The following INPP5A variants were observed in gnomAD, a reference collection of about 807,000 sequenced individuals.
INPP5A encodes 43 kDa inositol polyphosphate 5-phophatase.
INPP5A carries 14 observed loss-of-function variants against 65.2 expected under a neutral mutation model. The ratio of observed to expected loss-of-function variants is 0.21; its 90% CI spans 0.14 to 0.34. INPP5A has a LOEUF of 0.34. INPP5A is among the 10% of genes least tolerant of loss of function. The pLI is 1.00. For synonymous variants in INPP5A, 207 were observed against 208.3 expected, an observed-to-expected ratio of 0.99 and a Z score of 0.05; for missense variants, 431 against 545.6, an observed-to-expected ratio of 0.79 and a Z score of 2.09.
In INPP5A at chr10:132,706,206, G is replaced by T. The variant is rs924960888; in HGVS notation, c.475-2107G>T. Reference sequence around the variant, plus strand: ...ACATAGTCAAGACGGACAAAGATTTGTGTTTGTTTGGTTGTTTGTATGTTT... The same window carrying T: ...ACATAGTCAAGACGGACAAAGATTTTTGTTTGTTTGGTTGTTTGTATGTTT... On this transcript the variant is annotated intron_variant, in intron 6 of 15. Transcript: ENST00000368594. This position sits in a 1 kb window ranked among gnomAD's most constrained non-coding sequence, Gnocchi z 4.7. 6.6e-6 allele frequency among the ~76,000 whole-genome samples: 1 copy of T among 152,194 alleles called. No homozygotes were observed. Among genetic ancestry groups the T allele is most frequent in the South Asian group, 2.1e-4 (1 of 4,826 alleles).
Position 132,782,159 on chromosome 10 carries a change from CCA to C in INPP5A, c.*134_*135del. Reference sequence around the variant, plus strand: ...AGCGCCACCTGCTAGACGGCCAGCCCCACACTTCGCTTCAGCCTCCGGACCAT... The same window carrying C: ...AGCGCCACCTGCTAGACGGCCAGCCCCACTTCGCTTCAGCCTCCGGACCAT... On this transcript the variant is annotated 3_prime_UTR_variant, in exon 16 of 16. Coordinates refer to ENST00000368594, the MANE Select transcript of INPP5A (RefSeq NM_005539.5). The surrounding 1 kb of genome is among the most constrained non-coding windows in gnomAD (Gnocchi z 4.4). 1 of 1,469,558 alleles carries C rather than the reference CCA, an allele frequency of 6.8e-7. No individual in the cohort carries two copies. Among genetic ancestry groups the C allele is most frequent in the East Asian group, 2.6e-5 (1 of 38,000 alleles). 91.0% of individuals were successfully genotyped at this position (1,469,558 alleles called of 1,614,324 possible). A position where few individuals can be genotyped will look rare whatever the true frequency, so the allele number is the denominator to read the frequency against.
At chr10:132,633,492 C>T (rs2072300467) in intron 2 of INPP5A, among the ~76,000 whole-genome samples, 1 of 152,120 alleles carries the variant, frequency 6.6e-6, no homozygotes, top group Admixed American at 6.6e-5. Context: ...CTGCAGGTGC[C>T]CAAGCGTGGA....
intron 4 of INPP5A, among the ~76,000 whole-genome samples, chr10:132,668,703 TG>T (rs1019122830): frequency 6.6e-6 from 1 of 152,238 alleles, no homozygotes; most frequent in African/African-American, 2.4e-5. Context: ...TTCCTCCTGA[TG>T]TTTTTATTCT....
chr10:132,596,973 A>ACATGTG (rs1491580465), intron 1 of INPP5A, among the ~76,000 whole-genome samples: 5 of 133,702 alleles, frequency 3.7e-5, no homozygotes, highest in Non-Finnish European at 8.0e-5. Flanking sequence ...GCGTGTGTGC[A>ACATGTG]TGCGTGTGTG....
At chr10:132,689,402 C>G (rs1845217605) in intron 4 of INPP5A, among the ~76,000 whole-genome samples, 1 of 152,250 alleles carries the variant, frequency 6.6e-6, no homozygotes, top group East Asian at 1.9e-4. Flanking sequence ...ATCCCAGGAC[C>G]TGCTACCCCC....
intron 2 of INPP5A, among the ~76,000 whole-genome samples, chr10:132,622,893 C>A (rs1309232797): frequency 7.4e-6 from 1 of 135,788 alleles, no homozygotes; most frequent in Non-Finnish European, 1.5e-5. Flanking sequence ...AGAAATATAC[C>A]GCGTTCGTGG....
At chr10:132,732,119 G>T (rs1018512851) in intron 9 of INPP5A, among the ~76,000 whole-genome samples, 3 of 152,248 alleles carry the variant, frequency 2.0e-5, no homozygotes, top group Non-Finnish European at 2.9e-5. Flanking sequence ...CTAGGATGCT[G>T]CCCGCGACAG....
chr10:132,673,589 A>G (rs1366664400), intron 4 of INPP5A, among the ~76,000 whole-genome samples: 1 of 152,214 alleles, frequency 6.6e-6, no homozygotes, highest in Non-Finnish European at 1.5e-5. Flanking sequence ...AGTGAATTCC[A>G]TGAGCATGAG....
chr10:132,685,194 T>C (rs2073099174), intron 4 of INPP5A, among the ~76,000 whole-genome samples: 1 of 152,240 alleles, frequency 6.6e-6, no homozygotes, highest in Admixed American at 6.5e-5. Context: ...CGGTCGGCCT[T>C]AGTCAGGGCT....
chr10:132,690,142 C>T (rs1415046594), intron 4 of INPP5A, among the ~76,000 whole-genome samples: 2 of 151,828 alleles, frequency 1.3e-5, no homozygotes, highest in Admixed American at 6.5e-5. Context: ...ATGCCTGGCC[C>T]GTGGGACTTG....
At chr10:132,715,520 AG>A (rs1845724713) in intron 8 of INPP5A, among the ~76,000 whole-genome samples, 1 of 152,148 alleles carries the variant, frequency 6.6e-6, no homozygotes, top group Non-Finnish European at 1.5e-5. Context: ...TCCCAGGGAG[AG>A]GTGACGTGAT....
rs941127283 is a variant in INPP5A, at chr10:132,675,990, A to G, written c.307-14402A>G. On this transcript the variant is annotated intron_variant, in intron 4 of 15. Coordinates refer to ENST00000368594, the MANE Select transcript of INPP5A (RefSeq NM_005539.5). This position sits in a 1 kb window ranked among gnomAD's most constrained non-coding sequence, Gnocchi z 4.2. ...AATGATTTTTAGAAGACAAAAGATA[A>G]GAGTCAGAACCATTTTAATTAGGAT... is the stretch of plus-strand genomic sequence containing the variant. Among the ~76,000 whole-genome samples the G allele has an allele frequency of 3.9e-5, 6 of 152,242 alleles. No homozygotes were observed. Among genetic ancestry groups the G allele is most frequent in the Non-Finnish European group, 8.8e-5 (6 of 68,042 alleles).
chr10:132,683,087 G>A (rs1321134682), intron 4 of INPP5A, among the ~76,000 whole-genome samples: 2 of 149,410 alleles, frequency 1.3e-5, no homozygotes, highest in Non-Finnish European at 3.0e-5. Flanking sequence ...TTTAATCCAC[G>A]TGCACACGTG....
intron 6 of INPP5A, among the ~76,000 whole-genome samples, chr10:132,702,621 G>A (rs1429138555): frequency 2.0e-5 from 3 of 152,216 alleles, no homozygotes; most frequent in South Asian, 2.1e-4. Flanking sequence ...AGAGGCGTGC[G>A]TGCAGGGAGG....
At chr10:132,654,431 G>T (rs1176909992) in intron 4 of INPP5A, among the ~76,000 whole-genome samples, 1 of 152,260 alleles carries the variant, frequency 6.6e-6, no homozygotes, top group African/African-American at 2.4e-5. Flanking sequence ...TTGTCACTGA[G>T]ACTGGGCTGG....
chr10:132,562,300 C>T (rs953795913), intron 1 of INPP5A, among the ~76,000 whole-genome samples: 6 of 152,370 alleles, frequency 3.9e-5, no homozygotes, highest in Middle Eastern at 3.4e-3. Flanking sequence ...GCACCTTCTG[C>T]GTGGCCCGCT....
chr10:132,692,237 C>T (rs907112564), intron 5 of INPP5A, among the ~76,000 whole-genome samples: 5 of 151,976 alleles, frequency 3.3e-5, no homozygotes, highest in African/African-American at 1.2e-4. Context: ...ACTTCACAAA[C>T]TGAAAAGCAA....
intron 2 of INPP5A, among the ~76,000 whole-genome samples, chr10:132,615,662 G>T (rs546876579): frequency 6.6e-6 from 1 of 152,318 alleles, no homozygotes; most frequent in South Asian, 2.1e-4. Flanking sequence ...TGAGGGCCCC[G>T]TCTTTGGGGT....
At chr10:132,562,477 C>T (rs1042810487) in intron 1 of INPP5A, among the ~76,000 whole-genome samples, 4 of 152,364 alleles carry the variant, frequency 2.6e-5, no homozygotes, top group Admixed American at 2.6e-4. Flanking sequence ...CCCAGCAGCT[C>T]GTCGGGTCAC....
Sources: allele counts gnomAD v4.1 joint callset (sites outside exome capture counted in the v4.1 genomes callset), GRCh38; gene constraint gnomAD v4.1.1; non-coding constraint Gnocchi (gnomAD v3.1); transcripts MANE v1.5; gene names NCBI Gene and HGNC (gene_info 2026-07-23, HGNC 2026-07-21).